Variants in OTOG observed in about 807,000 individuals in gnomAD.
OTOG encodes the protein otogelin.
A neutral mutation model predicts 313.8 loss-of-function variants in OTOG; 296 were observed. That is an observed-to-expected ratio of 0.94 (90% confidence interval 0.86 to 1.04). The LOEUF (loss-of-function observed/expected upper bound fraction) is 1.04. Ranked by LOEUF, OTOG falls within the 50% of genes least tolerant of loss-of-function variation. The pLI is 0.00. For missense variants in OTOG, 3,948 were observed against 3,840.1 expected (o/e 1.03, Z -0.74); for synonymous variants, 1,533 against 1,554.9 (o/e 0.99, Z 0.33).
Position 17,634,280 on chromosome 11 carries a change from T to C in OTOG, c.7479T>C (p.Cys2493=). 1 of 1,549,944 alleles carries C rather than the reference T, an allele frequency of 6.5e-7. No homozygotes were observed. ...ACCCCTGCTGCCTGGGGACTGTCTGTGGTGAGTGTCCACCTTCACTTCCTT... is the reference window on the plus strand; with the variant it reads ...ACCCCTGCTGCCTGGGGACTGTCTGCGGTGAGTGTCCACCTTCACTTCCTT... ...TKDPCCLGTV[C]VCNQTLCEGL... The change falls in exon 44 of 56, where the codon TGT becomes TGC. Residue 2493 remains cysteine, a splice_region_variant and synonymous_variant. Transcript: ENST00000399397.
At chr11:17,562,237 C>CAAAAA (rs759962274) in intron 15 of OTOG, among the ~76,000 whole-genome samples, 56 of 62,380 alleles carry the variant, frequency 9.0e-4, no homozygotes, top group Middle Eastern at 0.01. Flanking sequence ...GACTCCGTCT[C>CAAAAA]AAAAAAAAAA....
chr11:17,573,302 A>G lies in OTOG; in HGVS notation c.2293+12A>G, dbSNP rs1852447367. On this transcript the variant is annotated intron_variant, in intron 19 of 55. Transcript: ENST00000399397. ...CCTGCCAGCCTGTGGTGAGTGCCCC[A>G]CCCATGTGAGGCTGAGCTGGAGGAG... 1 of 1,512,258 alleles carries G rather than the reference A, an allele frequency of 6.6e-7. No homozygotes were observed. The highest frequency in any genetic ancestry group is 8.8e-7 in the Non-Finnish European group (1 of 1,131,806). The allele number at this position is 1,512,258 out of a possible 1,614,324, so 93.7% of individuals were successfully genotyped here.
intron 25 of OTOG, 113 bp downstream of exon 25, chr11:17,591,701 A>G: frequency 2.2e-6 from 3 of 1,342,816 alleles, no homozygotes; most frequent in Non-Finnish European, 3.0e-6. Context: ...CTAAGCCCTG[A>G]GGTGGGGCTA....
At position 17,641,843 on chromosome 11, in the gene OTOG, G is replaced by A. The variant is rs750834500; in HGVS notation, c.8191-4G>A. ...GCTGAGGCCCACCCCGCCCTGGCCT[G>A]TAGAACCAGGAGTACGAGCACCCGC... On this transcript the variant is annotated splice_polypyrimidine_tract_variant and splice_region_variant and intron_variant, in intron 51 of 55. Transcript: ENST00000399397. 3 of 1,548,110 alleles carry A rather than the reference G, an allele frequency of 1.9e-6. No individual in the cohort carries two copies. The highest frequency in any genetic ancestry group is 1.7e-6 in the Non-Finnish European group (2 of 1,145,638).
intron 44 of OTOG, 45 bp from the exon 45 acceptor site, chr11:17,634,799 G>T: frequency 1.3e-6 from 2 of 1,488,120 alleles, no homozygotes; most frequent in Non-Finnish European, 1.8e-6. Flanking sequence ...GAGCAGTGGG[G>T]ACATCCGGCC....
chr11:17,628,954 G>A (rs779907057), intron 39 of OTOG, among the ~76,000 whole-genome samples, 179 bp from the exon 40 acceptor site: 3 of 152,194 alleles, frequency 2.0e-5, no homozygotes, highest in East Asian at 3.8e-4. Flanking sequence ...TGCCACTTTC[G>A]ACGGTGATTT....
At chr11:17,636,811 T>C (rs1447735609) in intron 47 of OTOG, among the ~76,000 whole-genome samples, 1 of 152,136 alleles carries the variant, frequency 6.6e-6, no homozygotes, top group Non-Finnish European at 1.5e-5. Flanking sequence ...TGAGCCTCAG[T>C]TGGGCTGTCT....
In OTOG at chr11:17,640,923, G is replaced by T. The variant is rs753850661; in HGVS notation, c.8022G>T (p.Pro2674=). 1.8e-5 allele frequency: 28 copies of T among 1,548,290 alleles called. No individual in the cohort carries two copies. The highest frequency in any genetic ancestry group is 2.3e-5 in the Non-Finnish European group (26 of 1,146,904). Residue 2674 remains proline, a synonymous_variant, in exon 51 of 56, where the codon CCG becomes CCT. Transcript: ENST00000399397. ...TGCATGCCCATCCAGTGAAGGCCCCGGTGTGTCTGAGCCGCGAGCTGGGTG... is the reference window on the plus strand; with the variant it reads ...TGCATGCCCATCCAGTGAAGGCCCCTGTGTGTCTGAGCCGCGAGCTGGGTG... ...GCAKYECVKA[P]VCLSRELGVM...
chr11:17,560,965 A>G, intron 13 of OTOG, 126 bp from the exon 14 acceptor site: 1 of 1,253,376 alleles, frequency 8.0e-7, no homozygotes, highest in South Asian at 1.3e-5. Context: ...GATCCAATCC[A>G]TGGGGGAAAT....
At chr11:17,597,094 T>C (rs900705429) in intron 30 of OTOG, 87 bp downstream of exon 30, 8 of 1,460,436 alleles carry the variant, frequency 5.5e-6, no homozygotes, top group African/African-American at 4.2e-5. Flanking sequence ...CTGTCTAGCA[T>C]TTACTGAGTA....
chr11:17,564,409 C>G (rs924149979), intron 15 of OTOG, among the ~76,000 whole-genome samples: 3 of 152,068 alleles, frequency 2.0e-5, no homozygotes, highest in Non-Finnish European at 2.9e-5. Flanking sequence ...AAAAGTGAGC[C>G]TAAAAATATT....
chr11:17,638,706 C>T (rs755298014), intron 48 of OTOG, 157 bp downstream of exon 48: 30 of 1,529,300 alleles, frequency 2.0e-5, no homozygotes, highest in African/African-American at 8.3e-5. Context: ...CTTCTGCATC[C>T]GCACTCCAAG....
intron 23 of OTOG, 77 bp from the exon 24 acceptor site, chr11:17,586,397 A>C (rs1243933811): frequency 1.3e-5 from 11 of 876,172 alleles, no homozygotes. Flanking sequence ...GAGCATCCAG[A>C]TTGAGGCAGG....
At chr11:17,617,981 C>T (rs373109024) in intron 39 of OTOG, among the ~76,000 whole-genome samples, 5 of 151,054 alleles carry the variant, frequency 3.3e-5, no homozygotes, top group Admixed American at 1.3e-4. Flanking sequence ...GGTGTGATTT[C>T]GGCTCACTGC....
chr11:17,556,180 A>C (rs762899286), intron 7 of OTOG, among the ~76,000 whole-genome samples: 9 of 152,146 alleles, frequency 5.9e-5, no homozygotes, highest in Non-Finnish European at 1.2e-4. Context: ...TTATCATGAT[A>C]AGCATGCTTA....
At chr11:17,561,542 T>A (rs886486913) in intron 14 of OTOG, 120 bp from the exon 15 acceptor site, 23 of 1,090,466 alleles carry the variant, frequency 2.1e-5, no homozygotes, top group Non-Finnish European at 3.1e-5. Flanking sequence ...CAGGCCTCAT[T>A]CCTTATACTG....
At position 17,553,360 on chromosome 11, in the gene OTOG, C is replaced by T; in HGVS notation, c.386-5C>T. The stretch of plus-strand genomic sequence containing the variant: ...CACAGAGAGGTTCTCTTTTCTCTCC[C>T]TCAGTGTACAATGCCGGCCCTGAGA... On this transcript the variant is annotated splice_polypyrimidine_tract_variant and splice_region_variant and intron_variant, in intron 5 of 55. Coordinates refer to ENST00000399397, the MANE Select transcript of OTOG (RefSeq NM_001292063.2). 1.4e-6 allele frequency: 2 copies of T among 1,467,832 alleles called. No individual in the cohort carries two copies. Among genetic ancestry groups the T allele is most frequent in the South Asian group, 1.4e-5 (1 of 70,106 alleles). The allele number at this position is 1,467,832 out of a possible 1,614,324, so 90.9% of individuals were successfully genotyped here.
chr11:17,559,300 A>T, intron 11 of OTOG, 139 bp downstream of exon 11: 1 of 930,440 alleles, frequency 1.1e-6, no homozygotes, highest in South Asian at 1.7e-5. Context: ...CATGAGAAAG[A>T]CGAAAAAACT....
chr11:17,619,848 T>G (rs187435060), intron 39 of OTOG, among the ~76,000 whole-genome samples: 33 of 152,358 alleles, frequency 2.2e-4, no homozygotes, highest in South Asian at 2.1e-3. Flanking sequence ...TGCTTTTTAT[T>G]CCTTTGTGTA....
Sources: allele counts gnomAD v4.1 joint callset (sites outside exome capture counted in the v4.1 genomes callset), GRCh38; gene constraint gnomAD v4.1.1; transcripts MANE v1.5; gene names NCBI Gene and HGNC (gene_info 2026-07-23, HGNC 2026-07-21).